AKAP13: variants seen among roughly 807,000 people sequenced by gnomAD.
AKAP13 encodes A-kinase anchor protein 13.
In AKAP13, 80 loss-of-function variants were observed where a neutral mutation model predicts 264.5. The observed-to-expected ratio is 0.30, with a 90% CI of 0.25 to 0.36. The LOEUF (loss-of-function observed/expected upper bound fraction) is 0.36. Among genes scored for constraint, AKAP13 ranks in the 10% least tolerant of loss-of-function variants. The pLI, the probability that AKAP13 is intolerant of heterozygous loss-of-function variation, is 1.00. For missense variants in AKAP13, 3,712 were observed against 3,435.2 expected, an observed-to-expected ratio of 1.08 and a Z score of -2.01; for synonymous variants, 1,380 against 1,250.2, an observed-to-expected ratio of 1.10 and a Z score of -2.19.
chr15:85,710,708 C>G (rs2086590618), intron 19 of AKAP13, 63 bp downstream of exon 19: 2 of 1,543,788 alleles, frequency 1.3e-6, no homozygotes, highest in Admixed American at 3.7e-5. Context: ...TGTAAAAATG[C>G]TGTTGTAATA....
chr15:85,386,576 A>T (rs879282147), intron 1 of AKAP13, among the ~76,000 whole-genome samples: 25 of 152,314 alleles, frequency 1.6e-4, no homozygotes, highest in African/African-American at 6.0e-4. Flanking sequence ...GGCGTGAGCT[A>T]TTGTGCCCGG....
chr15:85,541,307 A>G (rs1234899742), intron 4 of AKAP13, among the ~76,000 whole-genome samples: 3 of 152,218 alleles, frequency 2.0e-5, no homozygotes, highest in African/African-American at 7.2e-5. Context: ...AGGTGGATCG[A>G]TGGGGAAATA....
chr15:85,540,240 C>T (rs947854396), intron 4 of AKAP13, among the ~76,000 whole-genome samples: 1 of 152,128 alleles, frequency 6.6e-6, no homozygotes, highest in Non-Finnish European at 1.5e-5. Context: ...CAGGCACAGG[C>T]TAGTGCTGTC....
intron 11 of AKAP13, among the ~76,000 whole-genome samples, chr15:85,656,592 G>A (rs895620271): frequency 1.3e-5 from 2 of 152,088 alleles, no homozygotes; most frequent in Non-Finnish European, 2.9e-5. Context: ...GACTACAGGC[G>A]CCCGCCACCA....
At chr15:85,560,583 A>G (rs1402092117) in intron 5 of AKAP13, among the ~76,000 whole-genome samples, 2 of 152,144 alleles carry the variant, frequency 1.3e-5, no homozygotes, top group Non-Finnish European at 2.9e-5. Flanking sequence ...CTGATGCTCC[A>G]TTTTGTAGTC....
At chr15:85,397,070 T>C (rs778853904) in intron 1 of AKAP13, among the ~76,000 whole-genome samples, 8 of 129,824 alleles carry the variant, frequency 6.2e-5, no homozygotes, top group Non-Finnish European at 1.1e-4. Context: ...AAATAATGCA[T>C]TCCCAAGTAT....
intron 5 of AKAP13, among the ~76,000 whole-genome samples, chr15:85,563,656 T>C (rs1414659501): frequency 1.3e-5 from 2 of 152,092 alleles, no homozygotes; most frequent in African/African-American, 2.4e-5. Flanking sequence ...AGTGCAGCAT[T>C]ATATAAGGGG....
intron 5 of AKAP13, among the ~76,000 whole-genome samples, chr15:85,555,705 C>A (rs75531292): frequency 6.6e-6 from 1 of 152,122 alleles, no homozygotes; most frequent in Non-Finnish European, 1.5e-5. Flanking sequence ...TGTTTTCTTG[C>A]GCATGCTAGG....
intron 8 of AKAP13, chr15:85,620,113 C>T (rs894797081): frequency 2.1e-5 from 33 of 1,535,936 alleles, no homozygotes; most frequent in East Asian, 2.0e-4. Context: ...GCACAAGAGG[C>T]GCTACAGCCT....
intron 10 of AKAP13, among the ~76,000 whole-genome samples, chr15:85,652,660 C>T (rs2082908980): frequency 6.6e-6 from 1 of 152,166 alleles, no homozygotes; most frequent in Admixed American, 6.5e-5. Flanking sequence ...TACTTGGTCC[C>T]AGTTCTGGAG....
At chr15:85,506,233 G>C (rs2076217746) in intron 2 of AKAP13, among the ~76,000 whole-genome samples, 1 of 152,172 alleles carries the variant, frequency 6.6e-6, no homozygotes, top group Admixed American at 6.5e-5. Flanking sequence ...GCAGTGAGCT[G>C]AGATTGTGCC....
At chr15:85,662,135 A>G (rs561523206) in intron 12 of AKAP13, among the ~76,000 whole-genome samples, 14 of 152,346 alleles carry the variant, frequency 9.2e-5, no homozygotes, top group Admixed American at 9.2e-4. Context: ...TTCAGGTTGA[A>G]CTGGTGATAC....
chr15:85,449,879 C>A (rs2074023162), intron 1 of AKAP13, among the ~76,000 whole-genome samples: 1 of 151,988 alleles, frequency 6.6e-6, no homozygotes, highest in Non-Finnish European at 1.5e-5. Context: ...GAAGTTTTCT[C>A]TTTTTTTGTA....
intron 8 of AKAP13, among the ~76,000 whole-genome samples, chr15:85,589,498 G>T (rs1461179406): frequency 6.6e-6 from 1 of 151,738 alleles, no homozygotes; most frequent in Non-Finnish European, 1.5e-5. Context: ...GCTCATGCCT[G>T]TAATTCTGCC....
chr15:85,381,779 T>G (rs1266566055), intron 1 of AKAP13: 21 of 152,202 alleles, frequency 1.4e-4, no homozygotes, highest in Admixed American at 1.4e-3. Context: ...TTGGAGAGTT[T>G]ATTGCTTCAG....
chr15:85,488,050 C>T (rs1289414760), intron 2 of AKAP13, among the ~76,000 whole-genome samples: 1 of 152,218 alleles, frequency 6.6e-6, no homozygotes, highest in Non-Finnish European at 1.5e-5. Flanking sequence ...GGCATGTGCA[C>T]CCATGCCCAG....
At chr15:85,627,158 C>T (rs143730646) in intron 8 of AKAP13, among the ~76,000 whole-genome samples, 3 of 152,092 alleles carry the variant, frequency 2.0e-5, no homozygotes, top group African/African-American at 2.4e-5. Context: ...TTGCTCTTTT[C>T]GTCTGTTATC....
rs1442494400 is a variant in AKAP13, at chr15:85,661,914, A to C, written c.4800-2649A>C. ...AATGGAAACACATGAAAAAAAAAAA[A>C]AAAAACCGGATGACTCCATGAGCCC... is the stretch of plus-strand genomic sequence containing the variant. On this transcript the variant is annotated intron_variant, in intron 12 of 36. Transcript: ENST00000394518. Among the ~76,000 whole-genome samples, 9 of 152,014 alleles carry C rather than the reference A, an allele frequency of 5.9e-5. No homozygotes were observed. In the East Asian group the frequency reaches 1.5e-3, roughly 26 times the overall value.
At chr15:85,452,318 C>G (rs544449717) in intron 1 of AKAP13, among the ~76,000 whole-genome samples, 2 of 151,736 alleles carry the variant, frequency 1.3e-5, no homozygotes, top group African/African-American at 4.8e-5. Context: ...GTCATCATCC[C>G]GAATCTCAAT....
Sources: allele counts gnomAD v4.1 joint callset (sites outside exome capture counted in the v4.1 genomes callset), GRCh38; gene constraint gnomAD v4.1.1; transcripts MANE v1.5; gene names NCBI Gene and HGNC (gene_info 2026-07-23, HGNC 2026-07-21).